ARID3A: variants seen among roughly 807,000 people sequenced by gnomAD.
The protein encoded by ARID3A is AT-rich interactive domain-containing protein 3A.
Under a neutral mutation model 52.7 loss-of-function variants are expected in ARID3A, and 11 were observed. That is an observed-to-expected ratio of 0.21 (90% CI 0.13 to 0.35). The LOEUF is 0.35. Ranked by LOEUF, ARID3A falls within the 10% of genes least tolerant of loss-of-function variation. The probability of loss-of-function intolerance (pLI) is 1.00; values close to 1 mark genes in which losing one functional copy is unlikely to be tolerated. For missense variants in ARID3A, 721 were observed against 838.5 expected (o/e 0.86, Z 1.73); for synonymous variants, 404 against 359.4 (o/e 1.12, Z -1.40).
chr19:961,270 C>T (rs1332628329), intron 4 of ARID3A, among the ~76,000 whole-genome samples: 2 of 152,128 alleles, frequency 1.3e-5, no homozygotes, highest in African/African-American at 4.8e-5. Flanking sequence ...AACACAGGCC[C>T]CAGACCCGCC....
At chr19:937,196 G>A (rs11668469) in intron 3 of ARID3A, among the ~76,000 whole-genome samples, 11,831 of 149,210 alleles carry the variant, frequency 0.079, 569 homozygotes, top group African/African-American at 0.13. Flanking sequence ...CCCGGGAGGC[G>A]GAGATTGCCG....
chr19:966,616 G>C lies in ARID3A; in HGVS notation c.1243G>C (p.Val415Leu). ...IPITVPGRLPVSLAGHPVVAA... is the reference protein window; with the variant it reads ...IPITVPGRLPLSLAGHPVVAA... ...CATCACAGTCCCTGGCCGCCTGCCT[G>C]TGTCCCTGGCGGGCCACCCTGTGGT... The change falls in exon 7 of 9, where the codon GTG (valine) becomes CTG (leucine). Residue 415 changes from valine (V) to leucine (L), a missense_variant. Val to Leu is a conservative substitution (Grantham distance 32). This residue lies in a region of ARID3A where 297 missense variants were observed against 343.2 expected (regional missense o/e 0.87). Coordinates refer to ENST00000263620, the MANE Select transcript of ARID3A (RefSeq NM_005224.3). 1.3e-6 allele frequency: 2 copies of C among 1,591,790 alleles called. No homozygotes were observed. The highest frequency in any genetic ancestry group is 1.7e-6 in the Non-Finnish European group (2 of 1,164,896).
At chr19:937,660 T>G (rs1413893191) in intron 3 of ARID3A, among the ~76,000 whole-genome samples, 5 of 151,546 alleles carry the variant, frequency 3.3e-5, no homozygotes, top group Non-Finnish European at 7.4e-5. Context: ...CAGATGTGGG[T>G]TCCAGTTCCT....
At chr19:950,084 C>G (rs1337346881) in intron 3 of ARID3A, among the ~76,000 whole-genome samples, 1 of 119,238 alleles carries the variant, frequency 8.4e-6, no homozygotes, top group Non-Finnish European at 1.8e-5. Context: ...GAGGCCGTCC[C>G]CAGAGTGAAC....
intron 3 of ARID3A, among the ~76,000 whole-genome samples, chr19:937,518 C>A (rs984118934): frequency 1.3e-5 from 2 of 151,932 alleles, no homozygotes; most frequent in African/African-American, 2.4e-5. Context: ...TTTATGTGGG[C>A]GTACGTTTGT....
rs1419600498 is a variant in ARID3A at position 973,723 on chromosome 19, C to T, written c.*1658C>T. 1.8e-5 allele frequency: 4 copies of T among 227,570 alleles called. No individual in the cohort carries two copies. Among genetic ancestry groups the T allele is most frequent in the African/African-American group, 4.5e-5 (2 of 44,938 alleles). 14.1% of individuals were successfully genotyped at this position (227,570 alleles called of 1,614,324 possible). On this transcript the variant is annotated 3_prime_UTR_variant, in exon 9 of 9. Transcript: ENST00000263620. Reference sequence around the variant, plus strand: ...TTTTGTGCTGGGGCTGCGAGCTCCCCGAGTTCTGCGGTGACTAAATCGAGG... The same window carrying T: ...TTTTGTGCTGGGGCTGCGAGCTCCCTGAGTTCTGCGGTGACTAAATCGAGG...
chr19:927,925 G>A (rs373379243), intron 1 of ARID3A, among the ~76,000 whole-genome samples: 1,519 of 111,952 alleles, frequency 0.014, 28 homozygotes, highest in African/African-American at 0.036. Context: ...CCATGGGGCC[G>A]AAAGACTCAG....
intron 3 of ARID3A, among the ~76,000 whole-genome samples, chr19:952,171 G>A (rs1005377888): frequency 1.3e-5 from 2 of 151,430 alleles, no homozygotes; most frequent in African/African-American, 2.4e-5. Flanking sequence ...CAGGCTGGGC[G>A]TGGTGGTTCA....
At chr19:966,188 G>A (rs573374209) in intron 6 of ARID3A, among the ~76,000 whole-genome samples, 72 of 148,466 alleles carry the variant, frequency 4.8e-4, no homozygotes, top group African/African-American at 1.4e-3. Flanking sequence ...GGCTGGGCGC[G>A]GTGGCTCACG....
At chr19:940,193 G>T (rs1196849687) in intron 3 of ARID3A, among the ~76,000 whole-genome samples, 1 of 152,112 alleles carries the variant, frequency 6.6e-6, no homozygotes, top group East Asian at 1.9e-4. Flanking sequence ...TAATGTGTGG[G>T]GCCAGGGTGG....
At chr19:962,480 G>A (rs554213898) in intron 4 of ARID3A, among the ~76,000 whole-genome samples, 27 of 146,730 alleles carry the variant, frequency 1.8e-4, no homozygotes, top group East Asian at 4.0e-4. Flanking sequence ...GAGCCAGGGC[G>A]TGGCCCTGGG....
chr19:966,010 A>C (rs1349963856), intron 6 of ARID3A, among the ~76,000 whole-genome samples: 1 of 150,358 alleles, frequency 6.7e-6, no homozygotes, highest in Non-Finnish European at 1.5e-5. Context: ...AAAAAAAAAA[A>C]ATTAGCTTAG....
At chr19:966,472 A>AGG in intron 6 of ARID3A, 100 bp from the exon 7 acceptor site, 1 of 1,083,762 alleles carries the variant, frequency 9.2e-7, no homozygotes, top group Non-Finnish European at 1.3e-6. Flanking sequence ...AAAAAAAAAA[A>AGG]AAAGAAAAGA....
Position 972,251 on chromosome 19 carries a change from G to GTA in ARID3A, c.*195_*196dup, listed in dbSNP as rs1026195680. 6.0e-5 allele frequency: 11 copies of GTA among 181,928 alleles called. No homozygotes were observed. Among genetic ancestry groups the GTA allele is most frequent in the African/African-American group, 3.0e-4 (10 of 33,460 alleles). The allele number at this position is 181,928 out of a possible 1,614,324, so 11.3% of individuals were successfully genotyped here. Reference sequence around the variant, plus strand: ...TATATATATATATATATATATACACGTATATATATAAAGAGAATTTAATAA... The same window carrying GTA: ...TATATATATATATATATATATACACGTATATATATATAAAGAGAATTTAATAA... On this transcript the variant is annotated 3_prime_UTR_variant, in exon 9 of 9. Coordinates refer to ENST00000263620, the MANE Select transcript of ARID3A (RefSeq NM_005224.3).
chr19:966,723 G>A lies in ARID3A; in HGVS notation c.1350G>A (p.Arg450=), dbSNP rs770639214. 1.2e-6 allele frequency: 2 copies of A among 1,612,420 alleles called. No individual in the cohort carries two copies. Among genetic ancestry groups the A allele is most frequent in the African/African-American group, 2.7e-5 (2 of 74,928 alleles). ...AGGCAGCTGCCCTGGAACAGCTGCG[G>A]GAGAAGCTGGAGTCTGCAGAGCCTC... ...AAQAAALEQL[R]EKLESAEPPE... Residue 450 remains arginine (R), a synonymous_variant, in exon 7 of 9, where the codon CGG becomes CGA. Transcript: ENST00000263620.
chr19:945,251 G>A (rs2037653659), intron 3 of ARID3A, among the ~76,000 whole-genome samples: 1 of 152,256 alleles, frequency 6.6e-6, no homozygotes, highest in South Asian at 2.1e-4. Flanking sequence ...CTCGGCCTCA[G>A]TTTCCCCGCC....
At chr19:968,060 G>C (rs111250501) in intron 7 of ARID3A, among the ~76,000 whole-genome samples, 1 of 84,218 alleles carries the variant, frequency 1.2e-5, no homozygotes, top group East Asian at 3.1e-4. Flanking sequence ...AAAAAAAAAA[G>C]AAAGAAACTC....
intron 2 of ARID3A, among the ~76,000 whole-genome samples, chr19:930,910 A>G (rs891041943): frequency 2.0e-5 from 3 of 152,216 alleles, no homozygotes; most frequent in Non-Finnish European, 1.5e-5. Context: ...CTGGACCTGC[A>G]TAGCGTGTGG....
At position 973,396 on chromosome 19, in the gene ARID3A, G is replaced by A. The variant is rs1393001288; in HGVS notation, c.*1331G>A. On this transcript the variant is annotated 3_prime_UTR_variant, in exon 9 of 9. Transcript: ENST00000263620. ...CCCAAAGTGCTGGGATTACAGGCATGAGCCGCCACGCTGGCCCGGTCTGGA... is the reference window on the plus strand; with the variant it reads ...CCCAAAGTGCTGGGATTACAGGCATAAGCCGCCACGCTGGCCCGGTCTGGA... The A allele has an allele frequency of 5.3e-6, 1 of 188,990 alleles. No individual in the cohort carries two copies. Among genetic ancestry groups the A allele is most frequent in the Admixed American group, 6.2e-5 (1 of 16,200 alleles). The allele number at this position is 188,990 out of a possible 1,614,324, so 11.7% of individuals were successfully genotyped here.
Sources: allele counts gnomAD v4.1 joint callset (sites outside exome capture counted in the v4.1 genomes callset), GRCh38; gene constraint gnomAD v4.1.1; regional missense constraint gnomAD v4.1.1; transcripts MANE v1.5; gene names NCBI Gene and HGNC (gene_info 2026-07-23, HGNC 2026-07-21).